The following TBL1XR1 variants were observed in gnomAD, a reference collection of about 807,000 sequenced individuals.
TBL1XR1 encodes the protein TBL1X/Y related 1.
TBL1XR1 carries 5 observed loss-of-function variants against 66.9 expected under a neutral mutation model. The ratio of observed to expected loss-of-function variants is 0.07; its 90% confidence interval spans 0.04 to 0.16. The LOEUF is 0.16. TBL1XR1 is among the 10% of genes least tolerant of loss of function. The pLI is 1.00. For synonymous variants in TBL1XR1, 210 were observed against 206.0 expected, an observed-to-expected ratio of 1.02 and a Z score of -0.17; for missense variants, 238 against 623.2, an observed-to-expected ratio of 0.38 and a Z score of 6.58.
intron 15 of TBL1XR1, chr3:177,025,843 A>C: frequency 2.8e-6 from 1 of 359,204 alleles, no homozygotes; most frequent in Non-Finnish European, 5.1e-6. Flanking sequence ...GAAAGATATC[A>C]CAGATTATAT....
At chr3:177,134,945 C>CTGTGTGTG (rs10662042) in intron 1 of TBL1XR1, among the ~76,000 whole-genome samples, 23,503 of 128,562 alleles carry the variant, frequency 0.18, 2,529 homozygotes, top group Middle Eastern at 0.26. Flanking sequence ...CACTGCAAGG[C>CTGTGTGTG]TGTGTGTGTG....
chr3:177,085,241 A>G lies in TBL1XR1; in HGVS notation c.-46+13225T>C, dbSNP rs547241074. ...AAGAAGCACTACAAAGGTCTTGAGA[A>G]CTGAAGACACAAATCACCTTCAGGT... is the stretch of plus-strand genomic sequence containing the variant. On this transcript the variant is annotated intron_variant, in intron 2 of 15. Transcript: ENST00000457928. Among the ~76,000 whole-genome samples the G allele has an allele frequency of 2.6e-5, 4 of 152,324 alleles. No individual in the cohort carries two copies. The South Asian group carries it at 8.3e-4, about 32-fold the overall frequency.
At chr3:177,167,825 C>T (rs1457123332) in intron 1 of TBL1XR1, among the ~76,000 whole-genome samples, 3 of 152,062 alleles carry the variant, frequency 2.0e-5, no homozygotes, top group African/African-American at 7.2e-5. Context: ...CAGCTAGCTA[C>T]TCGGGAGGCT....
chr3:177,065,233 A>G (rs1719004393), intron 2 of TBL1XR1, among the ~76,000 whole-genome samples: 1 of 152,242 alleles, frequency 6.6e-6, no homozygotes, highest in African/African-American at 2.4e-5. Flanking sequence ...TCAAAGTAAC[A>G]TACTGGCAAA....
intron 1 of TBL1XR1, among the ~76,000 whole-genome samples, chr3:177,168,305 AAGTTTCACTCTTGTTGCCC>A (rs1733070671): frequency 6.6e-6 from 1 of 150,628 alleles, no homozygotes; most frequent in East Asian, 1.9e-4. Context: ...TTTTGAGACG[AAGTTTCACTCTTGTTGCCC>A]AGATTGGAGT....
At chr3:177,114,235 C>CAT (rs531410429) in intron 1 of TBL1XR1, among the ~76,000 whole-genome samples, 40 of 151,172 alleles carry the variant, frequency 2.6e-4, no homozygotes, top group East Asian at 9.7e-4. Flanking sequence ...ACATACACAT[C>CAT]ATATATATAT....
chr3:177,150,349 A>G (rs1027564730), intron 1 of TBL1XR1, among the ~76,000 whole-genome samples: 1 of 152,210 alleles, frequency 6.6e-6, no homozygotes, highest in Non-Finnish European at 1.5e-5. Flanking sequence ...AGAGTCCTCA[A>G]TTCCTTAAAA....
chr3:177,050,150 T>C lies in TBL1XR1; in HGVS notation c.561-12A>G, dbSNP rs1298509198. ...TTGAGTCTCCAGACCTATAAAAGTA[T>C]GCAATATATTTTAGATCCTCATGAC... On this transcript the variant is annotated splice_polypyrimidine_tract_variant and intron_variant, in intron 6 of 15. Transcript: ENST00000457928. 1.4e-5 allele frequency: 23 copies of C among 1,612,148 alleles called. No individual in the cohort carries two copies. The highest frequency in any genetic ancestry group is 1.8e-5 in the Non-Finnish European group (21 of 1,179,446).
chr3:177,047,697 C>A (rs1372924422), intron 7 of TBL1XR1, 148 bp from the exon 8 acceptor site: 2 of 758,646 alleles, frequency 2.6e-6, no homozygotes, highest in South Asian at 1.9e-5. Flanking sequence ...CTTGTGAGTG[C>A]CACTAAAGGC....
intron 1 of TBL1XR1, among the ~76,000 whole-genome samples, chr3:177,161,831 T>C (rs889268283): frequency 1.3e-5 from 2 of 150,682 alleles, no homozygotes; most frequent in Admixed American, 6.6e-5. Context: ...AAGAATCATA[T>C]ATCAACAATA....
At chr3:177,036,520 C>T (rs189046328) in intron 12 of TBL1XR1, among the ~76,000 whole-genome samples, 2 of 152,360 alleles carry the variant, frequency 1.3e-5, no homozygotes, top group African/African-American at 4.8e-5. Flanking sequence ...CCAGCTTCAA[C>T]TCAATATGTG....
At chr3:177,193,598 T>A (rs1736446604) in intron 1 of TBL1XR1, among the ~76,000 whole-genome samples, 1 of 152,186 alleles carries the variant, frequency 6.6e-6, no homozygotes, top group African/African-American at 2.4e-5. Context: ...CGTGAGCCAC[T>A]GCACCCAGCA....
At position 177,153,814 on chromosome 3, in the gene TBL1XR1, T is replaced by C. The variant is rs1411735275; in HGVS notation, c.-122+43307A>G. Among the ~76,000 whole-genome samples the C allele has an allele frequency of 7.4e-5, 11 of 148,422 alleles. No homozygotes were observed. In the East Asian group the frequency reaches 9.9e-4, roughly 13 times the overall value. Reference sequence around the variant, plus strand: ...ATCACTTGAACCCGGGAGGCGGAGGTTGCAGTGAGCCAAGATCGCGCCACT... The same window carrying C: ...ATCACTTGAACCCGGGAGGCGGAGGCTGCAGTGAGCCAAGATCGCGCCACT... On this transcript the variant is annotated intron_variant, in intron 1 of 15. Transcript: ENST00000457928.
At chr3:177,031,909 T>C (rs571622984) in intron 14 of TBL1XR1, among the ~76,000 whole-genome samples, 67 of 152,002 alleles carry the variant, frequency 4.4e-4, no homozygotes, top group African/African-American at 1.3e-3. Context: ...CTGCTAGAAA[T>C]CAAAGACAAT....
In TBL1XR1 at chr3:177,047,329, T is replaced by C; in HGVS notation, c.835A>G (p.Asn279Asp). 6.4e-7 allele frequency: 1 copy of C among 1,565,814 alleles called. No homozygotes were observed. Among genetic ancestry groups the C allele is most frequent in the Non-Finnish European group, 8.7e-7 (1 of 1,153,690 alleles). ...IFALKWNKKG[N>D]FILSAGVDKT... ...TCTACTCCAGCACTTAGGATGAAAT[T>C]TCCTTTCTTATTCCATTTTAATGCA... Residue 279 changes from asparagine (N) to aspartate (D), a missense_variant, in exon 9 of 16, where the codon AAT becomes GAT. Asn to Asp is a conservative substitution (Grantham distance 23). Coordinates refer to ENST00000457928, the MANE Select transcript of TBL1XR1 (RefSeq NM_024665.7).
rs546100958 is a variant in TBL1XR1 at position 177,065,077 on chromosome 3, G to A, written c.-45-55C>T. The A allele has an allele frequency of 5.3e-6, 6 of 1,129,210 alleles. No homozygotes were observed. In the African/African-American group the frequency reaches 6.6e-5, roughly 12 times the overall value. 69.9% of individuals were successfully genotyped at this position (1,129,210 alleles called of 1,614,324 possible). On this transcript the variant is annotated intron_variant, in intron 2 of 15. Transcript: ENST00000457928. ...TCAGTAAAATATTTTTAAACAAGAT[G>A]TAAACAATGTTGTAAAAACCATTTG...
chr3:177,075,459 CAT>C (rs1198986522), intron 2 of TBL1XR1, among the ~76,000 whole-genome samples: 1 of 152,242 alleles, frequency 6.6e-6, no homozygotes, highest in Non-Finnish European at 1.5e-5. Context: ...GGCACCTCAA[CAT>C]ATCTTTGTGG....
chr3:177,019,995 A>AC lies in TBL1XR1; in HGVS notation c.*5502_*5503insG. ...GAGAGTGTAAATTCTTAAAAAAAAA[A>AC]AAAAGAAAATATGCTCAATGATTCT... is the stretch of plus-strand genomic sequence containing the variant. On this transcript the variant is annotated 3_prime_UTR_variant, in exon 16 of 16. Coordinates refer to ENST00000457928, the MANE Select transcript of TBL1XR1 (RefSeq NM_024665.7). 6.6e-6 allele frequency: 1 copy of AC among 151,860 alleles called. No individual in the cohort carries two copies. The highest frequency in any genetic ancestry group is 1.9e-4 in the East Asian group (1 of 5,188). 9.4% of individuals were successfully genotyped at this position (151,860 alleles called of 1,614,324 possible). A position where few individuals can be genotyped will look rare whatever the true frequency, so the allele number is the denominator to read the frequency against.
At chr3:177,104,143 A>G (rs976815833) in intron 1 of TBL1XR1, among the ~76,000 whole-genome samples, 2 of 121,882 alleles carry the variant, frequency 1.6e-5, no homozygotes, top group Admixed American at 8.6e-5. Context: ...GAGAGAGAGA[A>G]ATATATAAGA....
Sources: allele counts gnomAD v4.1 joint callset (sites outside exome capture counted in the v4.1 genomes callset), GRCh38; gene constraint gnomAD v4.1.1; transcripts MANE v1.5; gene names NCBI Gene and HGNC (gene_info 2026-07-23, HGNC 2026-07-21).